Variants in SPTBN4 observed in about 807,000 individuals in gnomAD.
The protein encoded by SPTBN4 is spectrin beta chain, non-erythrocytic 4.
In SPTBN4, 96 loss-of-function variants were observed where a neutral mutation model predicts 277.8. That is an observed-to-expected ratio of 0.35 (90% CI 0.29 to 0.41). SPTBN4 has a LOEUF of 0.41. SPTBN4 is among the 10% of genes least tolerant of loss of function. SPTBN4 has a pLI of 1.00. For synonymous variants in SPTBN4, 1,481 were observed against 1,580.3 expected, an observed-to-expected ratio of 0.94 and a Z score of 1.49; for missense variants, 3,006 against 3,595.7, an observed-to-expected ratio of 0.84 and a Z score of 4.19.
chr19:40,520,550 A>T (rs1422500858), intron 16 of SPTBN4, among the ~76,000 whole-genome samples: 1 of 152,240 alleles, frequency 6.6e-6, no homozygotes, highest in Non-Finnish European at 1.5e-5. Context: ...GGTATGGATA[A>T]CAAAGGATTA....
intron 20 of SPTBN4, among the ~76,000 whole-genome samples, chr19:40,547,811 G>A (rs1460709128): frequency 6.6e-6 from 1 of 152,094 alleles, no homozygotes; most frequent in Non-Finnish European, 1.5e-5. Context: ...TATGTCTGTT[G>A]GCTGATGCAG....
rs774215281 is a variant in SPTBN4, at chr19:40,520,143, C to A, written c.3646C>A (p.Arg1216Ser). ...TCTACGCCAGGCGCTCGTGGTGCTGCGTAACCAGGTGCCCACTCGGGGTGT... is the reference window on the plus strand; with the variant it reads ...TCTACGCCAGGCGCTCGTGGTGCTGAGTAACCAGGTGCCCACTCGGGGTGT... ...RDLRQALVVL[R>S]NQEMALSGAE... The change falls in exon 16 of 36, where the codon CGT becomes AGT. Residue 1216 changes from arginine (R) to serine (S), a missense_variant. By Grantham distance (110) the Arg-to-Ser change is moderately radical. Around this residue, in one of 5 missense-constraint regions of SPTBN4, gnomAD observed 1,759 missense variants for 2,061.5 expected, o/e 0.85. Coordinates refer to ENST00000598249, the MANE Select transcript of SPTBN4 (RefSeq NM_020971.3). 1 of 1,424,268 alleles carries A rather than the reference C, an allele frequency of 7.0e-7. No homozygotes were observed. The highest frequency in any genetic ancestry group is 1.6e-5 in the South Asian group (1 of 63,010). The allele number at this position is 1,424,268 out of a possible 1,614,324, so 88.2% of individuals were successfully genotyped here.
At chr19:40,469,400 G>A (rs2079859947) in intron 1 of SPTBN4, among the ~76,000 whole-genome samples, 2 of 151,976 alleles carry the variant, frequency 1.3e-5, no homozygotes, top group Admixed American at 1.3e-4. Flanking sequence ...GAGTAGCTGG[G>A]ATTACAGGCA....
intron 14 of SPTBN4, among the ~76,000 whole-genome samples, chr19:40,514,381 G>T (rs993873708): frequency 3.9e-5 from 6 of 152,160 alleles, no homozygotes; most frequent in Admixed American, 6.5e-5. Flanking sequence ...AGGTTGGAGC[G>T]GGTAAGAGTT....
chr19:40,546,413 T>C (rs2145919569), intron 20 of SPTBN4, among the ~76,000 whole-genome samples: 1 of 152,258 alleles, frequency 6.6e-6, no homozygotes, highest in South Asian at 2.1e-4. Flanking sequence ...ATGTCATTCA[T>C]GTATGCATTG....
intron 2 of SPTBN4, among the ~76,000 whole-genome samples, chr19:40,484,366 T>A (rs2080045433): frequency 6.6e-6 from 1 of 152,214 alleles, no homozygotes; most frequent in Non-Finnish European, 1.5e-5. Flanking sequence ...TATTATTTAG[T>A]AATGGGATTT....
At chr19:40,575,301 T>C in intron 35 of SPTBN4, 110 bp from the exon 36 acceptor site, 1 of 1,297,868 alleles carries the variant, frequency 7.7e-7, no homozygotes, top group Non-Finnish European at 1.0e-6. Context: ...CATCCCTTTT[T>C]AATAGATGAG....
chr19:40,482,917 C>T (rs1255095444), intron 2 of SPTBN4, among the ~76,000 whole-genome samples: 5 of 151,992 alleles, frequency 3.3e-5, no homozygotes, highest in Non-Finnish European at 7.4e-5. Context: ...GCCAAGATTA[C>T]ACCACTGCAC....
At chr19:40,553,281 A>G (rs1474719834) in intron 22 of SPTBN4, among the ~76,000 whole-genome samples, 2 of 152,126 alleles carry the variant, frequency 1.3e-5, no homozygotes, top group East Asian at 3.9e-4. Flanking sequence ...GGACTTCAAG[A>G]CCAGCCTGAG....
chr19:40,571,962 A>G (rs993739867), intron 33 of SPTBN4, 57 bp from the exon 34 acceptor site: 8 of 1,486,672 alleles, frequency 5.4e-6, no homozygotes, highest in Non-Finnish European at 7.2e-6. Flanking sequence ...GATGTTAATG[A>G]AGAGTTATTA....
rs1384368722 is a variant in SPTBN4 at position 40,538,867 on chromosome 19, G to C, written c.4359+4524G>C. 2.0e-5 allele frequency among the ~76,000 whole-genome samples: 3 copies of C among 152,202 alleles called. No homozygotes were observed. The East Asian group carries it at 5.8e-4, about 29-fold the overall frequency. On this transcript the variant is annotated intron_variant, in intron 20 of 35. Transcript: ENST00000598249. ...AGTCTCCCAAAGTGCTGGGATTACA[G>C]GGGTGAAGCACTGCCCCTGGATAAA...
chr19:40,523,702 G>A (rs1475377084), intron 17 of SPTBN4, 63 bp downstream of exon 17: 8 of 1,493,458 alleles, frequency 5.4e-6, no homozygotes, highest in Middle Eastern at 2.5e-4. Flanking sequence ...GCATAGGGGA[G>A]TGGTGTGGGA....
intron 20 of SPTBN4, among the ~76,000 whole-genome samples, chr19:40,546,049 CA>C (rs35750238): frequency 0.49 from 45,456 of 91,856 alleles, 8,651 homozygotes; most frequent in East Asian, 0.77. Flanking sequence ...GACTCTGCCT[CA>C]AAAAAAAAAA....
intron 16 of SPTBN4, among the ~76,000 whole-genome samples, chr19:40,521,371 A>T (rs1308257055): frequency 6.6e-6 from 1 of 152,216 alleles, no homozygotes; most frequent in Non-Finnish European, 1.5e-5. Context: ...ACATTATAAC[A>T]TATAATGAAA....
At position 40,554,518 on chromosome 19, in the gene SPTBN4, C is replaced by T. The variant is rs1196022069; in HGVS notation, c.4956C>T (p.Asp1652=). 6.8e-7 allele frequency: 1 copy of T among 1,480,964 alleles called. No homozygotes were observed. Among genetic ancestry groups the T allele is most frequent in the African/African-American group, 1.4e-5 (1 of 70,860 alleles). 91.7% of individuals were successfully genotyped at this position (1,480,964 alleles called of 1,614,324 possible). Residue 1652 remains aspartate, a splice_region_variant and synonymous_variant, in exon 24 of 36, where the codon GAC becomes GAT. Transcript: ENST00000598249. The surrounding 1 kb of genome is among the most constrained non-coding windows in gnomAD (Gnocchi z 5.7). ...TCGTGGGCGCTTTGTGCCCCCAGGACGAACAGAGCACCCTGCAGCTGCTCA... is the reference window on the plus strand; with the variant it reads ...TCGTGGGCGCTTTGTGCCCCCAGGATGAACAGAGCACCCTGCAGCTGCTCA... ...LLMMSEDKGK[D]EQSTLQLLKK... is the part of the protein sequence containing the mutation.
In SPTBN4 at chr19:40,570,677, G is replaced by A; in HGVS notation, c.7268G>A (p.Gly2423Asp). ...PPPTHTVQHEGFLLRKRELDA... is the reference protein window; with the variant it reads ...PPPTHTVQHEDFLLRKRELDA... ...CCCACTCACACAGTGCAGCACGAGG[G>A]CTTCCTACTGCGCAAGCGCGAGCTC... Residue 2423 changes from glycine to aspartate, a missense_variant, in exon 33 of 36, where the codon GGC (glycine) becomes GAC (aspartate). Physicochemically the swap from Gly to Asp is moderately conservative, Grantham distance 94. Transcript: ENST00000598249. The A allele has an allele frequency of 2.5e-6, 4 of 1,605,382 alleles. No individual in the cohort carries two copies. Among genetic ancestry groups the A allele is most frequent in the Non-Finnish European group, 2.5e-6 (3 of 1,176,822 alleles).
rs986964554 is a variant in SPTBN4, at chr19:40,523,599, G to A, written c.3817G>A (p.Gly1273Arg). Residue 1273 changes from glycine to arginine, a missense_variant, in exon 17 of 36, where the codon GGG (glycine) becomes AGG (arginine). Transcript: ENST00000598249. ...CCTGCTGAGGCAGGGCAACATCTACGGGGAGCAGGCTCAGGAGGCTGTGAC... is the reference window on the plus strand; with the variant it reads ...CCTGCTGAGGCAGGGCAACATCTACAGGGAGCAGGCTCAGGAGGCTGTGAC... ...EGLLRQGNIYGEQAQEAVTRL... is the reference protein window; with the variant it reads ...EGLLRQGNIYREQAQEAVTRL... 6.2e-6 allele frequency: 10 copies of A among 1,613,998 alleles called. No individual in the cohort carries two copies. Among genetic ancestry groups the A allele is most frequent in the East Asian group, 2.2e-5 (1 of 44,874 alleles).
chr19:40,530,383 C>T, intron 18 of SPTBN4: 1 of 497,886 alleles, frequency 2.0e-6, no homozygotes, highest in Non-Finnish European at 2.6e-6. Flanking sequence ...TCCTGCACCC[C>T]CACCTGGGGC....
Position 40,502,028 on chromosome 19 carries a change from G to C in SPTBN4, c.892G>C (p.Gly298Arg). Residue 298 changes from glycine to arginine, a missense_variant, in exon 8 of 36, where the codon GGG becomes CGG. Physicochemically the swap from Gly to Arg is moderately radical, Grantham distance 125 (BLOSUM62 -2). This residue lies in a region of SPTBN4 where 1,759 missense variants were observed against 2,061.5 expected (regional missense o/e 0.85). Transcript: ENST00000598249. This position sits in a 1 kb window ranked among gnomAD's most constrained non-coding sequence, Gnocchi z 4.9. ...TCTGGCTGTGGAGGGGAAGCGTATCGGGAAGGTATAAGGAGCCAAGGAGTG... is the reference window on the plus strand; with the variant it reads ...TCTGGCTGTGGAGGGGAAGCGTATCCGGAAGGTATAAGGAGCCAAGGAGTG... ...KALAVEGKRIGKVLDQVLEVG... is the reference protein window; with the variant it reads ...KALAVEGKRIRKVLDQVLEVG... 1 of 1,614,170 alleles carries C rather than the reference G, an allele frequency of 6.2e-7. No homozygotes were observed.
Sources: gnomAD v4.1 joint callset for allele counts (sites outside exome capture counted in the v4.1 genomes callset) on GRCh38, gnomAD v4.1.1 for gene constraint, gnomAD v4.1.1 regional missense constraint, Gnocchi (gnomAD v3.1) non-coding constraint, MANE v1.5 for transcripts, NCBI Gene and HGNC (gene_info 2026-07-23, HGNC 2026-07-21) for gene names.